Variants in FTMT observed in about 807,000 individuals in gnomAD.
FTMT encodes the protein ferritin, mitochondrial.
In FTMT, 5 loss-of-function variants were observed where a neutral mutation model predicts 4.9. That is an observed-to-expected ratio of 1.03 (90% CI 0.54 to 2.16). The LOEUF (loss-of-function observed/expected upper bound fraction) is 2.16, where lower values mean the gene tolerates loss of function less well. FTMT is among the 30% of genes most tolerant of loss of function. The pLI is 0.01. For synonymous variants in FTMT, 174 were observed against 143.6 expected, an observed-to-expected ratio of 1.21 and a Z score of -1.51; for missense variants, 393 against 323.0, an observed-to-expected ratio of 1.22 and a Z score of -1.66.
At position 121,852,776 on chromosome 5, in the gene FTMT, C is replaced by T; in HGVS notation, c.*84C>T. The T allele has an allele frequency of 2.1e-6, 3 of 1,412,320 alleles. No homozygotes were observed. The South Asian group carries it at 4.1e-5, about 19-fold the overall frequency. The allele number at this position is 1,412,320 out of a possible 1,614,324, so 87.5% of individuals were successfully genotyped here. On this transcript the variant is annotated 3_prime_UTR_variant, in exon 1 of 1. Coordinates refer to ENST00000321339, the MANE Select transcript of FTMT (RefSeq NM_177478.2). ...TGCTTTCTTGCCCTTAAAATCACCT[C>T]CATCTTTATATTCTTCTGTTATACT...
At position 121,852,484 on chromosome 5, in the gene FTMT, T is replaced by C. The variant is rs375760472; in HGVS notation, c.521T>C (p.Leu174Ser). The change falls in exon 1 of 1, where the codon TTG (leucine) becomes TCG (serine). Residue 174 changes from leucine to serine, a missense_variant. By Grantham distance (145) the Leu-to-Ser change is moderately radical. Transcript: ENST00000321339. ...LLLEKNVNQS[L>S]LELHALASDK... ...TTGGAAAAGAACGTGAACCAGTCGT[T>C]GCTGGAATTGCACGCTCTAGCCTCA... is the stretch of plus-strand genomic sequence containing the variant. 14 of 1,613,964 alleles carry C rather than the reference T, an allele frequency of 8.7e-6. No individual in the cohort carries two copies. Among genetic ancestry groups the C allele is most frequent in the African/African-American group, 1.3e-5 (1 of 74,896 alleles).
Position 121,852,698 on chromosome 5 carries a change from G to C in FTMT, c.*6G>C. ...ATGAAAACAAGCAGAACTAAGCCAC[G>C]AGCTGCCTTCCTCCCAGGCTAGTGG... On this transcript the variant is annotated 3_prime_UTR_variant, in exon 1 of 1. Transcript: ENST00000321339. 3.1e-6 allele frequency: 5 copies of C among 1,607,048 alleles called. No individual in the cohort carries two copies. The highest frequency in any genetic ancestry group is 4.3e-6 in the Non-Finnish European group (5 of 1,175,702).
chr5:121,852,167 G>A lies in FTMT; in HGVS notation c.204G>A (p.Val68=). The A allele has an allele frequency of 1.2e-6, 2 of 1,612,254 alleles. No individual in the cohort carries two copies. The highest frequency in any genetic ancestry group is 1.3e-5 in the African/African-American group (1 of 75,028). Reference sequence around the variant, plus strand: ...GGCCCGCCGCCGGCCCCTCTCGGGTGCGCCAGAACTTCCACCCCGACTCCG... The same window carrying A: ...GGCCCGCCGCCGGCCCCTCTCGGGTACGCCAGAACTTCCACCCCGACTCCG... ...PTGPAAGPSR[V]RQNFHPDSEA... is the part of the protein sequence containing the mutation. The change falls in exon 1 of 1, where the codon GTG becomes GTA. Residue 68 remains valine (V), a synonymous_variant. Coordinates refer to ENST00000321339, the MANE Select transcript of FTMT (RefSeq NM_177478.2).
In FTMT at chr5:121,852,070, G is replaced by A; in HGVS notation, c.107G>A (p.Arg36His). ...CTCCCGCTGCGTTGGGCCCCGGGGC[G>A]CCCCTTGGACCCCAGGCAGATCGCC... is the stretch of plus-strand genomic sequence containing the variant. ...FALPLRWAPG[R>H]PLDPRQIAPR... is the part of the protein sequence containing the mutation. Residue 36 changes from arginine to histidine, a missense_variant, in exon 1 of 1, where the codon CGC becomes CAC. Coordinates refer to ENST00000321339, the MANE Select transcript of FTMT (RefSeq NM_177478.2). 6.3e-7 allele frequency: 1 copy of A among 1,587,906 alleles called. No individual in the cohort carries two copies.
rs748280112 is a variant in FTMT at position 121,852,105 on chromosome 5, C to A, written c.142C>A (p.Pro48Thr). 1 of 1,580,342 alleles carries A rather than the reference C, an allele frequency of 6.3e-7. No homozygotes were observed. The highest frequency in any genetic ancestry group is 8.6e-7 in the Non-Finnish European group (1 of 1,168,156). The change falls in exon 1 of 1, where the codon CCC becomes ACC. Residue 48 changes from proline to threonine, a missense_variant. By Grantham distance (38) the Pro-to-Thr change is conservative. Transcript: ENST00000321339. ...LDPRQIAPRR[P>T]LAAAASSRDP... is the part of the protein sequence containing the mutation. ...CCCCAGGCAGATCGCCCCCCGCCGC[C>A]CCCTGGCCGCAGCCGCCTCCTCCCG...
chr5:121,852,077 G>A lies in FTMT; in HGVS notation c.114G>A (p.Leu38=). Residue 38 remains leucine (L), a synonymous_variant, in exon 1 of 1, where the codon TTG becomes TTA. Transcript: ENST00000321339. ...LPLRWAPGRP[L]DPRQIAPRRP... is the part of the protein sequence containing the mutation. ...TGCGTTGGGCCCCGGGGCGCCCCTT[G>A]GACCCCAGGCAGATCGCCCCCCGCC... 1 of 1,588,556 alleles carries A rather than the reference G, an allele frequency of 6.3e-7. No individual in the cohort carries two copies. Among genetic ancestry groups the A allele is most frequent in the Non-Finnish European group, 8.5e-7 (1 of 1,172,616 alleles).
chr5:121,851,991 A>T lies in FTMT; in HGVS notation c.28A>T (p.Arg10Trp). The change falls in exon 1 of 1, where the codon AGG becomes TGG. Residue 10 changes from arginine (R) to tryptophan (W), a missense_variant. Arg to Trp is a moderately radical substitution (Grantham distance 101). Transcript: ENST00000321339. MLSCFRLLS[R>W]HISPSLASLR... ...GCTGTCCTGCTTCAGGCTCCTCTCC[A>T]GGCACATCAGCCCTTCGCTGGCGTC... is the stretch of plus-strand genomic sequence containing the variant. 1 of 1,593,142 alleles carries T rather than the reference A, an allele frequency of 6.3e-7. No homozygotes were observed. The highest frequency in any genetic ancestry group is 8.5e-7 in the Non-Finnish European group (1 of 1,175,602).
rs1436580280 is a variant in FTMT, at chr5:121,852,369, C to T, written c.406C>T (p.Arg136Ter). Residue 136 changes from arginine to a stop codon, truncating the protein, a stop_gained, in exon 1 of 1, where the codon CGA becomes TGA. Transcript: ENST00000321339. LOFTEE classifies it high-confidence loss of function. ...GAAGCTGATGAGGCTGCAGAACCAGCGAGGAGGCCGGATCCGCCTGCAGGA... is the reference window on the plus strand; with the variant it reads ...GAAGCTGATGAGGCTGCAGAACCAGTGAGGAGGCCGGATCCGCCTGCAGGA... Reference protein sequence around the residue: ...AEKLMRLQNQRGGRIRLQDIK... With the variant: ...AEKLMRLQNQ 6.2e-7 allele frequency: 1 copy of T among 1,614,140 alleles called. No homozygotes were observed. The highest frequency in any genetic ancestry group is 8.5e-7 in the Non-Finnish European group (1 of 1,180,032).
chr5:121,852,124 C>T lies in FTMT; in HGVS notation c.161C>T (p.Ser54Phe). The T allele has an allele frequency of 6.3e-7, 1 of 1,586,598 alleles. No homozygotes were observed. Among genetic ancestry groups the T allele is most frequent in the Non-Finnish European group, 8.5e-7 (1 of 1,170,144 alleles). ...CGCCGCCCCCTGGCCGCAGCCGCCT[C>T]CTCCCGGGACCCTACCGGGCCCGCC... ...APRRPLAAAA[S>F]SRDPTGPAAG... The change falls in exon 1 of 1, where the codon TCC (serine) becomes TTC (phenylalanine). Residue 54 changes from serine to phenylalanine, a missense_variant. Ser to Phe is a radical substitution (Grantham distance 155). Transcript: ENST00000321339.
Position 121,852,511 on chromosome 5 carries a change from A to T in FTMT, c.548A>T (p.Asp183Val). 2 of 1,614,128 alleles carry T rather than the reference A, an allele frequency of 1.2e-6. No individual in the cohort carries two copies. The highest frequency in any genetic ancestry group is 1.7e-6 in the Non-Finnish European group (2 of 1,180,030). The change falls in exon 1 of 1, where the codon GAT (aspartate) becomes GTT (valine). Residue 183 changes from aspartate to valine, a missense_variant. By Grantham distance (152) the Asp-to-Val change is radical (BLOSUM62 -3). Coordinates refer to ENST00000321339, the MANE Select transcript of FTMT (RefSeq NM_177478.2). ...CTGGAATTGCACGCTCTAGCCTCAG[A>T]TAAAGGTGACCCCCATTTGTGCGAT... ...SLLELHALASDKGDPHLCDFL... is the reference protein window; with the variant it reads ...SLLELHALASVKGDPHLCDFL...
In FTMT at chr5:121,852,717, C is replaced by G. The variant is rs541408700; in HGVS notation, c.*25C>G. On this transcript the variant is annotated 3_prime_UTR_variant, in exon 1 of 1. Coordinates refer to ENST00000321339, the MANE Select transcript of FTMT (RefSeq NM_177478.2). Reference sequence around the variant, plus strand: ...AGCCACGAGCTGCCTTCCTCCCAGGCTAGTGGATCCAAAGACCAAAGTCAG... The same window carrying G: ...AGCCACGAGCTGCCTTCCTCCCAGGGTAGTGGATCCAAAGACCAAAGTCAG... 2 of 1,588,294 alleles carry G rather than the reference C, an allele frequency of 1.3e-6. No homozygotes were observed. Among genetic ancestry groups the G allele is most frequent in the African/African-American group, 2.7e-5 (2 of 74,010 alleles).
Position 121,852,355 on chromosome 5 carries a change from G to A in FTMT, c.392G>A (p.Arg131Lys). Reference protein sequence around the residue: ...EETEHAEKLMRLQNQRGGRIR... With the variant: ...EETEHAEKLMKLQNQRGGRIR... The stretch of plus-strand genomic sequence containing the variant: ...ACCGAGCACGCGGAGAAGCTGATGA[G>A]GCTGCAGAACCAGCGAGGAGGCCGG... Residue 131 changes from arginine to lysine, a missense_variant, in exon 1 of 1, where the codon AGG (arginine) becomes AAG (lysine). By Grantham distance (26) the Arg-to-Lys change is conservative. Coordinates refer to ENST00000321339, the MANE Select transcript of FTMT (RefSeq NM_177478.2). The A allele has an allele frequency of 6.2e-7, 1 of 1,614,194 alleles. No homozygotes were observed. Among genetic ancestry groups the A allele is most frequent in the Non-Finnish European group, 8.5e-7 (1 of 1,180,038 alleles).
At position 121,852,642 on chromosome 5, in the gene FTMT, G is replaced by C. The variant is rs779685512; in HGVS notation, c.679G>C (p.Glu227Gln). 19 of 1,613,902 alleles carry C rather than the reference G, an allele frequency of 1.2e-5. No homozygotes were observed. The East Asian group carries it at 4.0e-4, about 34-fold the overall frequency. Residue 227 changes from glutamate (E) to glutamine (Q), a missense_variant, in exon 1 of 1, where the codon GAG becomes CAG. Glu to Gln is a conservative substitution (Grantham distance 29). Transcript: ENST00000321339. ...GGGGGCCCCGGATGCTGGCCTGGCGGAGTACCTTTTTGACACACATACCCT... is the reference window on the plus strand; with the variant it reads ...GGGGGCCCCGGATGCTGGCCTGGCGCAGTACCTTTTTGACACACATACCCT... ...KMGAPDAGLA[E>Q]YLFDTHTLGN...
Position 121,851,967 on chromosome 5 carries a change from C to G in FTMT, c.4C>G (p.Leu2Val). The G allele has an allele frequency of 1.3e-6, 2 of 1,585,862 alleles. No individual in the cohort carries two copies. Among genetic ancestry groups the G allele is most frequent in the Non-Finnish European group, 1.7e-6 (2 of 1,173,140 alleles). Residue 2 changes from leucine (L) to valine (V), a missense_variant, in exon 1 of 1, where the codon CTG becomes GTG. Leu to Val is a conservative substitution (Grantham distance 32, BLOSUM62 1). Transcript: ENST00000321339. M[L>V]SCFRLLSRHI... is the part of the protein sequence containing the mutation. ...CCACTTCCAAGGAGGCGGCGCTATG[C>G]TGTCCTGCTTCAGGCTCCTCTCCAG...
Position 121,852,132 on chromosome 5 carries a change from G to A in FTMT, c.169G>A (p.Asp57Asn), listed in dbSNP as rs1750059662. The change falls in exon 1 of 1, where the codon GAC (aspartate) becomes AAC (asparagine). Residue 57 changes from aspartate to asparagine, a missense_variant. By Grantham distance (23) the Asp-to-Asn change is conservative (BLOSUM62 1). Transcript: ENST00000321339. Reference sequence around the variant, plus strand: ...CCTGGCCGCAGCCGCCTCCTCCCGGGACCCTACCGGGCCCGCCGCCGGCCC... The same window carrying A: ...CCTGGCCGCAGCCGCCTCCTCCCGGAACCCTACCGGGCCCGCCGCCGGCCC... Reference protein sequence around the residue: ...RPLAAAASSRDPTGPAAGPSR... With the variant: ...RPLAAAASSRNPTGPAAGPSR... The A allele has an allele frequency of 6.3e-7, 1 of 1,597,394 alleles. No homozygotes were observed.
In FTMT at chr5:121,852,700, G is replaced by T. The variant is rs181205403; in HGVS notation, c.*8G>T. On this transcript the variant is annotated 3_prime_UTR_variant, in exon 1 of 1. Coordinates refer to ENST00000321339, the MANE Select transcript of FTMT (RefSeq NM_177478.2). ...GAAAACAAGCAGAACTAAGCCACGA[G>T]CTGCCTTCCTCCCAGGCTAGTGGAT... 415 of 1,606,692 alleles carry T rather than the reference G, an allele frequency of 2.6e-4. 9 individuals carry two copies. The Admixed American group carries it at 6.9e-3, about 27-fold the overall frequency.
At position 121,852,355 on chromosome 5, in the gene FTMT, G is replaced by C. The variant is rs748156940; in HGVS notation, c.392G>C (p.Arg131Thr). 2 of 1,614,076 alleles carry C rather than the reference G, an allele frequency of 1.2e-6. No homozygotes were observed. Among genetic ancestry groups the C allele is most frequent in the East Asian group, 2.2e-5 (1 of 44,878 alleles). Reference sequence around the variant, plus strand: ...ACCGAGCACGCGGAGAAGCTGATGAGGCTGCAGAACCAGCGAGGAGGCCGG... The same window carrying C: ...ACCGAGCACGCGGAGAAGCTGATGACGCTGCAGAACCAGCGAGGAGGCCGG... ...EETEHAEKLM[R>T]LQNQRGGRIR... Residue 131 changes from arginine (R) to threonine (T), a missense_variant, in exon 1 of 1, where the codon AGG becomes ACG. Transcript: ENST00000321339.
At position 121,852,136 on chromosome 5, in the gene FTMT, C is replaced by T. The variant is rs1335648350; in HGVS notation, c.173C>T (p.Pro58Leu). 1.6e-5 allele frequency: 25 copies of T among 1,600,212 alleles called. No individual in the cohort carries two copies. The highest frequency in any genetic ancestry group is 2.1e-5 in the Non-Finnish European group (25 of 1,174,476). Residue 58 changes from proline to leucine, a missense_variant, in exon 1 of 1, where the codon CCT becomes CTT. Pro to Leu is a moderately conservative substitution (Grantham distance 98). Transcript: ENST00000321339. ...GCCGCAGCCGCCTCCTCCCGGGACC[C>T]TACCGGGCCCGCCGCCGGCCCCTCT... ...PLAAAASSRD[P>L]TGPAAGPSRV...
In FTMT at chr5:121,852,231, G is replaced by C; in HGVS notation, c.268G>C (p.Ala90Pro). The C allele has an allele frequency of 6.2e-7, 1 of 1,614,162 alleles. No individual in the cohort carries two copies. The highest frequency in any genetic ancestry group is 8.5e-7 in the Non-Finnish European group (1 of 1,180,018). The change falls in exon 1 of 1, where the codon GCG (alanine) becomes CCG (proline). Residue 90 changes from alanine to proline, a missense_variant. Coordinates refer to ENST00000321339, the MANE Select transcript of FTMT (RefSeq NM_177478.2). ...INRQINLELY[A>P]SYVYLSMAYY... is the part of the protein sequence containing the mutation. Reference sequence around the variant, plus strand: ...CCGCCAGATCAACCTCGAGCTCTATGCGTCCTACGTGTACTTGTCCATGGC... The same window carrying C: ...CCGCCAGATCAACCTCGAGCTCTATCCGTCCTACGTGTACTTGTCCATGGC...
Sources: gnomAD v4.1 joint callset for allele counts on GRCh38, gnomAD v4.1.1 for gene constraint, MANE v1.5 for transcripts, NCBI Gene and HGNC (gene_info 2026-07-23, HGNC 2026-07-21) for gene names.